The following ANK3 variants were observed in gnomAD, a reference collection of about 807,000 sequenced individuals.
The protein encoded by ANK3 is ankyrin 3, also known as ankyrin-3.
Under a neutral mutation model 370.9 loss-of-function variants are expected in ANK3, and 57 were observed. The observed-to-expected ratio is 0.15, with a 90% CI of 0.12 to 0.19. The LOEUF is 0.19. Ranked by LOEUF, ANK3 falls within the 10% of genes least tolerant of loss-of-function variation. The probability of loss-of-function intolerance (pLI) is 1.00; values close to 1 mark genes in which losing one functional copy is unlikely to be tolerated. For synonymous variants in ANK3, 1,929 were observed against 1,946.3 expected, an observed-to-expected ratio of 0.99 and a Z score of 0.23; for missense variants, 4,439 against 5,302.1, an observed-to-expected ratio of 0.84 and a Z score of 5.06.
At chr10:60,477,512 G>T (rs72807920) in intron 2 of ANK3, among the ~76,000 whole-genome samples, 24,567 of 112,964 alleles carry the variant, frequency 0.22, 2,315 homozygotes, top group Non-Finnish European at 0.25. Context: ...CAGACAGACA[G>T]ACATACACAC....
chr10:60,574,689 T>C (rs2077661364), intron 2 of ANK3, among the ~76,000 whole-genome samples: 1 of 152,230 alleles, frequency 6.6e-6, no homozygotes, highest in South Asian at 2.1e-4. Flanking sequence ...GAACCTTGTT[T>C]ATTAGTCGTG....
intron 38 of ANK3, 81 bp from the exon 39 acceptor site, chr10:60,064,369 C>T: frequency 7.2e-7 from 1 of 1,389,796 alleles, no homozygotes; most frequent in Middle Eastern, 1.8e-4. Flanking sequence ...TCAATTGCCA[C>T]AAAAAGAAAA....
In ANK3 at chr10:60,088,368, CAAATG is replaced by C. The variant is rs759707909; in HGVS notation, c.3329-15_3329-11del. The C allele has an allele frequency of 1.9e-6, 3 of 1,610,076 alleles. No homozygotes were observed. The highest frequency in any genetic ancestry group is 2.5e-6 in the Non-Finnish European group (3 of 1,176,714). ...TCTGGGCTATCAAGTTCTGAAAAGA[CAAATG>C]AAAGAAAATGCCATGAGAATAAGCA... On this transcript the variant is annotated splice_polypyrimidine_tract_variant and intron_variant, in intron 28 of 43. Transcript: ENST00000280772.
intron 1 of ANK3, among the ~76,000 whole-genome samples, chr10:60,728,821 A>G (rs563392443): frequency 6.6e-6 from 1 of 152,316 alleles, no homozygotes; most frequent in South Asian, 2.1e-4. Flanking sequence ...CAGCTTGTAT[A>G]GTCTTCCTGA....
chr10:60,220,633 A>G (rs186463576), intron 8 of ANK3, among the ~76,000 whole-genome samples: 1 of 152,310 alleles, frequency 6.6e-6, no homozygotes, highest in Non-Finnish European at 1.5e-5. Flanking sequence ...CTTTGAATCC[A>G]TTGATGACTT....
intron 1 of ANK3, among the ~76,000 whole-genome samples, chr10:60,280,773 A>G (rs6479710): frequency 0.26 from 39,303 of 152,176 alleles, 5,243 homozygotes; most frequent in South Asian, 0.31. Flanking sequence ...TTCTTTCAGC[A>G]ATATGGTAAA....
intron 2 of ANK3, among the ~76,000 whole-genome samples, chr10:60,546,167 T>C (rs1595249458): frequency 6.6e-6 from 1 of 152,108 alleles, no homozygotes; most frequent in Non-Finnish European, 1.5e-5. Flanking sequence ...TCCTGAGTAG[T>C]TGGGACTACA....
rs535517898 is a variant in ANK3 at position 60,520,539 on chromosome 10, C to T, written c.96+94647G>A. 5.9e-5 allele frequency among the ~76,000 whole-genome samples: 9 copies of T among 152,060 alleles called. No homozygotes were observed. In the South Asian group the frequency reaches 6.2e-4, roughly 11 times the overall value. On this transcript the variant is annotated intron_variant, in intron 2 of 43. Coordinates refer to the ANK3 transcript ENST00000373827. ...AACATTTCAAAGGATTAAAATATGG[C>T]GATGAAAAAGTTACCTTCTAAGAGG... is the stretch of plus-strand genomic sequence containing the variant.
intron 28 of ANK3, among the ~76,000 whole-genome samples, chr10:60,103,655 G>A (rs1266396217): frequency 6.6e-6 from 1 of 152,140 alleles, no homozygotes; most frequent in African/African-American, 2.4e-5. Context: ...TTACTATTAA[G>A]TTTAATACAT....
At chr10:60,064,678 A>ACGG (rs1554852785) in intron 38 of ANK3, among the ~76,000 whole-genome samples, 1 of 145,224 alleles carries the variant, frequency 6.9e-6, no homozygotes, top group African/African-American at 2.5e-5. Flanking sequence ...CACAGCAACA[A>ACGG]CAACAACAAC....
intron 23 of ANK3, among the ~76,000 whole-genome samples, chr10:60,145,170 C>G (rs1193922930): frequency 1.3e-5 from 2 of 152,086 alleles, no homozygotes; most frequent in African/African-American, 4.8e-5. Flanking sequence ...TACAGAATCT[C>G]CCATTATAAA....
At chr10:60,145,894 A>G (rs2094795286) in intron 23 of ANK3, 4 of 697,752 alleles carry the variant, frequency 5.7e-6, no homozygotes, top group Non-Finnish European at 7.8e-6. Context: ...ATAAATGTGG[A>G]ATGAATGAAA....
chr10:60,496,376 T>C (rs1283764146), intron 2 of ANK3, among the ~76,000 whole-genome samples: 1 of 152,188 alleles, frequency 6.6e-6, no homozygotes, highest in Admixed American at 6.5e-5. Flanking sequence ...ATGAGGCCCT[T>C]TCCTATGTGT....
rs2065239533 is a variant in ANK3, at chr10:60,472,335, A to G, written c.96+142851T>C. On this transcript the variant is annotated intron_variant, in intron 2 of 43. Transcript: ENST00000373827. Reference sequence around the variant, plus strand: ...GAAAAAAAATCCCTTGATAATTTATATCATCACATAGATTTCCAGTAACAA... The same window carrying G: ...GAAAAAAAATCCCTTGATAATTTATGTCATCACATAGATTTCCAGTAACAA... Among the ~76,000 whole-genome samples the G allele has an allele frequency of 2.0e-5, 3 of 152,302 alleles. No individual in the cohort carries two copies. The South Asian group carries it at 6.2e-4, about 32-fold the overall frequency.
At chr10:60,382,105 T>C (rs1395311903) in intron 1 of ANK3, among the ~76,000 whole-genome samples, 1 of 152,164 alleles carries the variant, frequency 6.6e-6, no homozygotes, top group Non-Finnish European at 1.5e-5. Flanking sequence ...AGACAAGGTA[T>C]TTCTGATTTC....
At chr10:60,226,497 TATAGTATATATACA>T in intron 8 of ANK3, among the ~76,000 whole-genome samples, 1 of 85,342 alleles carries the variant, frequency 1.2e-5, no homozygotes, top group Admixed American at 1.3e-4. Context: ...ATACATATAC[TATAGTATATATACA>T]TAGTATATAT....
Position 60,098,615 on chromosome 10 carries a change from C to T in ANK3, c.3328+7290G>A, listed in dbSNP as rs1197429670. 5.3e-5 allele frequency among the ~76,000 whole-genome samples: 8 copies of T among 152,170 alleles called. No individual in the cohort carries two copies. The East Asian group carries it at 1.3e-3, about 26-fold the overall frequency. Reference sequence around the variant, plus strand: ...AGGGAAAAATCCTCAAATGATATAACTTGATCCTTCTTCCTTGAAGTTAAC... The same window carrying T: ...AGGGAAAAATCCTCAAATGATATAATTTGATCCTTCTTCCTTGAAGTTAAC... On this transcript the variant is annotated intron_variant, in intron 28 of 43. Transcript: ENST00000280772.
intron 18 of ANK3, among the ~76,000 whole-genome samples, chr10:60,179,030 T>C (rs1463264766): frequency 2.6e-5 from 4 of 152,210 alleles, no homozygotes; most frequent in African/African-American, 9.7e-5. Context: ...GAGGTCTTGA[T>C]ATTTTTATTA....
chr10:60,354,186 C>G (rs774498676), intron 1 of ANK3, among the ~76,000 whole-genome samples: 1 of 152,210 alleles, frequency 6.6e-6, no homozygotes, highest in Non-Finnish European at 1.5e-5. Context: ...GGCGATTCTT[C>G]CCTTCCCCCA....
Sources: gnomAD v4.1 joint callset for allele counts (sites outside exome capture counted in the v4.1 genomes callset) on GRCh38, gnomAD v4.1.1 for gene constraint, MANE v1.5 for transcripts, NCBI Gene and HGNC (gene_info 2026-07-23, HGNC 2026-07-21) for gene names.